Variants in KRT4 observed in about 807,000 individuals in gnomAD.
KRT4 encodes keratin, type II cytoskeletal 4.
A neutral mutation model predicts 50.6 loss-of-function variants in KRT4; 47 were observed. That is an observed-to-expected ratio of 0.93 (90% CI 0.73 to 1.18). The LOEUF is 1.18. KRT4 is among the 50% of genes most tolerant of loss of function. KRT4 has a pLI of 0.00. For missense variants in KRT4, 651 were observed against 645.7 expected, an observed-to-expected ratio of 1.01 and a Z score of -0.09; for synonymous variants, 254 against 251.2, an observed-to-expected ratio of 1.01 and a Z score of -0.10.
intron 2 of KRT4, 195 bp from the exon 3 acceptor site, chr12:52,811,011 T>C (rs536036061): frequency 5.8e-4 from 341 of 588,138 alleles, no homozygotes; most frequent in Non-Finnish European, 9.7e-4. Flanking sequence ...TAGGCCAGGG[T>C]TTATTCAGAT....
At chr12:52,808,171 C>G in intron 6 of KRT4, 123 bp downstream of exon 6, 1 of 1,298,676 alleles carries the variant, frequency 7.7e-7, no homozygotes, top group Non-Finnish European at 1.1e-6. Flanking sequence ...GCACAAAGAG[C>G]TATGAATTCC....
chr12:52,811,914 T>C lies in KRT4; in HGVS notation c.526A>G (p.Thr176Ala). ...AGGTTTTTGCTGGAGGTGGTGGTCG[T>C]CTGCTGCTGGAGCAGGTTCCATTTG... ...ETKWNLLQQQ[T>A]TTTSSKNLEP... is the part of the protein sequence containing the mutation. The change falls in exon 2 of 9, where the codon ACG becomes GCG. Residue 176 changes from threonine to alanine, a missense_variant. Transcript: ENST00000551956. The C allele has an allele frequency of 6.2e-7, 1 of 1,614,016 alleles. No homozygotes were observed. The highest frequency in any genetic ancestry group is 8.5e-7 in the Non-Finnish European group (1 of 1,180,020).
At chr12:52,810,863 G>A (rs1358267786) in intron 2 of KRT4, 47 bp from the exon 3 acceptor site, 1 of 1,484,730 alleles carries the variant, frequency 6.7e-7, no homozygotes, top group East Asian at 2.3e-5. Flanking sequence ...ACAGTGAGCT[G>A]GTGTTTCTCA....
At chr12:52,811,138 A>T (rs1161492459) in intron 2 of KRT4, among the ~76,000 whole-genome samples, 42 of 152,206 alleles carry the variant, frequency 2.8e-4, no homozygotes, top group Admixed American at 2.7e-3. Flanking sequence ...TTAAATTCTC[A>T]GCAATGTCAT....
Position 52,806,714 on chromosome 12 carries a change from C to A in KRT4, c.*355G>T. ...CTGATGTAGATGGATAATACAGGAT[C>A]TAGTGGGAGATGGCATTGGACTGGG... On this transcript the variant is annotated 3_prime_UTR_variant, in exon 9 of 9. Transcript: ENST00000551956. The A allele has an allele frequency of 2.7e-6, 1 of 371,684 alleles. No homozygotes were observed. Among genetic ancestry groups the A allele is most frequent in the South Asian group, 2.4e-5 (1 of 41,852 alleles). The allele number at this position is 371,684 out of a possible 1,614,324, so 23.0% of individuals were successfully genotyped here.
Position 52,808,321 on chromosome 12 carries a change from C to T in KRT4, c.1098G>A (p.Arg366=), listed in dbSNP as rs1265386773. The change falls in exon 6 of 9, where the codon CGG becomes CGA. Residue 366 remains arginine, a synonymous_variant. Transcript: ENST00000551956. ...GCTTCTTGATGTTCTCGATCTCTGC[C>T]CGCAGCCTCTGGATCATCCTGTTGA... ...AELNRMIQRL[R]AEIENIKKQC... 6.2e-7 allele frequency: 1 copy of T among 1,613,996 alleles called. No individual in the cohort carries two copies. The highest frequency in any genetic ancestry group is 8.5e-7 in the Non-Finnish European group (1 of 1,180,054).
intron 2 of KRT4, 60 bp from the exon 3 acceptor site, chr12:52,810,876 T>C (rs1939899062): frequency 7.3e-7 from 1 of 1,361,822 alleles, no homozygotes; most frequent in African/African-American, 1.4e-5. Flanking sequence ...GTTTCTCAGA[T>C]CTCTGCTGCT....
At chr12:52,809,659 A>G (rs1280007038) in intron 3 of KRT4, among the ~76,000 whole-genome samples, 181 bp from the exon 4 acceptor site, 1 of 152,242 alleles carries the variant, frequency 6.6e-6, no homozygotes, top group African/African-American at 2.4e-5. Context: ...AAGACATGGA[A>G]GTTGATTATC....
chr12:52,809,872 T>C (rs768893019), intron 3 of KRT4, among the ~76,000 whole-genome samples: 3 of 152,134 alleles, frequency 2.0e-5, no homozygotes, highest in Admixed American at 6.5e-5. Flanking sequence ...CAACAGATGA[T>C]TGGATAAAGA....
chr12:52,807,758 G>A lies in KRT4; in HGVS notation c.1232C>T (p.Ala411Val). 6.2e-7 allele frequency: 1 copy of A among 1,614,152 alleles called. No homozygotes were observed. The highest frequency in any genetic ancestry group is 1.7e-5 in the Admixed American group (1 of 60,018). Residue 411 changes from alanine (A) to valine (V), a missense_variant, in exon 7 of 9, where the codon GCC becomes GTC. Transcript: ENST00000551956. The part of the protein sequence containing the change: ...RVELEAALQQ[A>V]KEELARMLRE... ...CAGCATTCGTGCCAGCTCCTCCTTG[G>A]CCTGCTGCAGGGCAGCCTCCAGCTC... is the stretch of plus-strand genomic sequence containing the variant.
At chr12:52,810,887 T>G in intron 2 of KRT4, 71 bp from the exon 3 acceptor site, 1 of 1,288,728 alleles carries the variant, frequency 7.8e-7, no homozygotes, top group Non-Finnish European at 1.1e-6. Flanking sequence ...CTCTGCTGCT[T>G]GTTTTCAAGC....
At position 52,813,702 on chromosome 12, in the gene KRT4, G is replaced by T; in HGVS notation, c.357C>A (p.Leu119=). ...GGTCAATCTCCACGTGGAGGGGGGT[G>T]AGCAAGCTCTGGTTGATGGTGACCT... ...IQEVTINQSL[L]TPLHVEIDPE... The change falls in exon 1 of 9, where the codon CTC becomes CTA. Residue 119 remains leucine (L), a synonymous_variant. Transcript: ENST00000551956. 6.2e-7 allele frequency: 1 copy of T among 1,614,096 alleles called. No individual in the cohort carries two copies. The highest frequency in any genetic ancestry group is 8.5e-7 in the Non-Finnish European group (1 of 1,179,938).
Position 52,813,725 on chromosome 12 carries a change from C to A in KRT4, c.334G>T (p.Val112Phe), listed in dbSNP as rs1292366339. The A allele has an allele frequency of 6.2e-7, 1 of 1,614,054 alleles. No homozygotes were observed. Among genetic ancestry groups the A allele is most frequent in the African/African-American group, 1.3e-5 (1 of 74,944 alleles). ...PVCPAGGIQEVTINQSLLTPL... is the reference protein window; with the variant it reads ...PVCPAGGIQEFTINQSLLTPL... The stretch of plus-strand genomic sequence containing the variant: ...GTGAGCAAGCTCTGGTTGATGGTGA[C>A]CTCCTGAATTCCCCCAGCGGGGCAG... The change falls in exon 1 of 9, where the codon GTC (valine) becomes TTC (phenylalanine). Residue 112 changes from valine (V) to phenylalanine (F), a missense_variant. By Grantham distance (50) the Val-to-Phe change is conservative. Coordinates refer to ENST00000551956, the MANE Select transcript of KRT4 (RefSeq NM_002272.4).
Position 52,811,880 on chromosome 12 carries a change from A to T in KRT4, c.560T>A (p.Leu187His), listed in dbSNP as rs1303992474. 6.2e-7 allele frequency: 1 copy of T among 1,614,034 alleles called. No individual in the cohort carries two copies. Among genetic ancestry groups the T allele is most frequent in the Non-Finnish European group, 8.5e-7 (1 of 1,180,018 alleles). ...CAGGACACTGAGGTAGGTCTCAAAG[A>T]GGGGCTCAAGGTTTTTGCTGGAGGT... ...TTTSSKNLEP[L>H]FETYLSVLRK... The change falls in exon 2 of 9, where the codon CTC becomes CAC. Residue 187 changes from leucine (L) to histidine (H), a missense_variant. By Grantham distance (99) the Leu-to-His change is moderately conservative (BLOSUM62 -3). Transcript: ENST00000551956.
chr12:52,809,007 G>A, intron 4 of KRT4, 157 bp from the exon 5 acceptor site: 1 of 811,032 alleles, frequency 1.2e-6, no homozygotes, highest in Non-Finnish European at 2.1e-6. Flanking sequence ...AGTTCAGGAT[G>A]GAAGAGCAAT....
rs1939960862 is a variant in KRT4, at chr12:52,813,907, C to T, written c.152G>A (p.Ser51Asn). Residue 51 changes from serine (S) to asparagine (N), a missense_variant, in exon 1 of 9, where the codon AGC becomes AAC. Physicochemically the swap from Ser to Asn is conservative, Grantham distance 46. Coordinates refer to ENST00000551956, the MANE Select transcript of KRT4 (RefSeq NM_002272.4). ...RCSSGGFGSR[S>N]LYNLRGNKSI... ...TTTGTTCCCCCTGAGGTTGTAGAGG[C>T]TTCTGCTGCCAAATCCCCCAGAAGA... is the stretch of plus-strand genomic sequence containing the variant. The T allele has an allele frequency of 3.1e-6, 4 of 1,272,042 alleles. No individual in the cohort carries two copies. Among genetic ancestry groups the T allele is most frequent in the Non-Finnish European group, 4.0e-6 (4 of 997,172 alleles). The allele number at this position is 1,272,042 out of a possible 1,614,324, so 78.8% of individuals were successfully genotyped here. A position where few individuals can be genotyped will look rare whatever the true frequency, so the allele number is the denominator to read the frequency against.
At chr12:52,810,083 A>G (rs1244468779) in intron 3 of KRT4, among the ~76,000 whole-genome samples, 1 of 151,954 alleles carries the variant, frequency 6.6e-6, no homozygotes, top group East Asian at 1.9e-4. Flanking sequence ...GCATGGAATG[A>G]TAGACAATGG....
In KRT4 at chr12:52,808,752, G is replaced by T; in HGVS notation, c.933C>A (p.Val311=). The T allele has an allele frequency of 6.2e-7, 1 of 1,614,202 alleles. No individual in the cohort carries two copies. The highest frequency in any genetic ancestry group is 8.5e-7 in the Non-Finnish European group (1 of 1,180,034). The change falls in exon 5 of 9, where the codon GTC becomes GTA. Residue 311 remains valine, a synonymous_variant. Coordinates refer to ENST00000551956, the MANE Select transcript of KRT4 (RefSeq NM_002272.4). The part of the protein sequence containing the change: ...NLDLDSIIAE[V]RAQYEEIAQR... Reference sequence around the variant, plus strand: ...GGGCAATCTCCTCGTACTGGGCACGGACCTCGGCAATAATGCTGTCCAGGT... The same window carrying T: ...GGGCAATCTCCTCGTACTGGGCACGTACCTCGGCAATAATGCTGTCCAGGT...
chr12:52,806,697 G>C lies in KRT4; in HGVS notation c.*372C>G, dbSNP rs1939801898. On this transcript the variant is annotated 3_prime_UTR_variant, in exon 9 of 9. Transcript: ENST00000551956. ...GGAGAAGTAGTTTGGTTCTGATGTA[G>C]ATGGATAATACAGGATCTAGTGGGA... 1 of 336,304 alleles carries C rather than the reference G, an allele frequency of 3.0e-6. No homozygotes were observed. The highest frequency in any genetic ancestry group is 5.8e-6 in the Non-Finnish European group (1 of 173,308). 20.8% of individuals were successfully genotyped at this position (336,304 alleles called of 1,614,324 possible). A position where few individuals can be genotyped will look rare whatever the true frequency, so the allele number is the denominator to read the frequency against.
Sources: gnomAD v4.1 joint callset for allele counts (sites outside exome capture counted in the v4.1 genomes callset) on GRCh38, gnomAD v4.1.1 for gene constraint, MANE v1.5 for transcripts, NCBI Gene and HGNC (gene_info 2026-07-23, HGNC 2026-07-21) for gene names.